Variants in CATSPERE observed in about 807,000 individuals in gnomAD.
CATSPERE encodes the protein cation channel sperm-associated auxiliary subunit epsilon.
A neutral mutation model predicts 114.1 loss-of-function variants in CATSPERE; 93 were observed. The observed-to-expected ratio is 0.81, with a 90% CI of 0.69 to 0.97. The LOEUF (loss-of-function observed/expected upper bound fraction) is 0.97. CATSPERE is among the 50% of genes least tolerant of loss of function. The pLI, the probability that CATSPERE is intolerant of heterozygous loss-of-function variation, is 0.00. For synonymous variants in CATSPERE, 341 were observed against 384.1 expected, an observed-to-expected ratio of 0.89 and a Z score of 1.31; for missense variants, 1,058 against 1,131.6, an observed-to-expected ratio of 0.93 and a Z score of 0.93.
chr1:244,492,970 TC>T (rs1241480490), intron 6 of CATSPERE, among the ~76,000 whole-genome samples: 1 of 151,262 alleles, frequency 6.6e-6, no homozygotes, highest in African/African-American at 2.4e-5. Flanking sequence ...GGAAGAACAT[TC>T]CATGTTCATG....
At chr1:244,451,595 TC>T, upstream of CATSPERE, 2 of 1,568,516 alleles carry the variant, frequency 1.3e-6, no homozygotes, top group Non-Finnish European at 1.7e-6. The surrounding 1 kb of genome is among the most constrained non-coding windows in gnomAD (Gnocchi z 6.6). Flanking sequence ...CAGCCCGAGC[TC>T]CCGGGCCCGG....
intron 5 of CATSPERE, among the ~76,000 whole-genome samples, chr1:244,485,671 T>C (rs2148190311): frequency 6.6e-6 from 1 of 151,880 alleles, no homozygotes; most frequent in South Asian, 2.1e-4. Context: ...ACTAATTATC[T>C]CATTATCCAT....
intron 2 of CATSPERE, among the ~76,000 whole-genome samples, chr1:244,467,625 C>T (rs1667804414): frequency 6.6e-6 from 1 of 152,188 alleles, no homozygotes; most frequent in African/African-American, 2.4e-5. Context: ...ATACATCCAG[C>T]ACCAGAAGAC....
intron 9 of CATSPERE, among the ~76,000 whole-genome samples, chr1:244,556,398 C>T (rs1661580854): frequency 6.6e-6 from 1 of 152,032 alleles, no homozygotes; most frequent in African/African-American, 2.4e-5. Flanking sequence ...ATGTATAACT[C>T]AGTCTAAACA....
intron 4 of CATSPERE, among the ~76,000 whole-genome samples, chr1:244,479,416 C>T (rs984698127): frequency 7.2e-5 from 11 of 152,128 alleles, no homozygotes; most frequent in African/African-American, 2.2e-4. Flanking sequence ...GAAAAGCACT[C>T]AGTTGTAACA....
At chr1:244,518,892 A>G (rs529861828) in intron 8 of CATSPERE, among the ~76,000 whole-genome samples, 194 bp downstream of exon 8, 1 of 152,286 alleles carries the variant, frequency 6.6e-6, no homozygotes, top group East Asian at 1.9e-4. Context: ...GAGTTTTACA[A>G]TTTGTGTCCA....
intron 10 of CATSPERE, among the ~76,000 whole-genome samples, chr1:244,564,334 CTT>C: frequency 6.6e-6 from 1 of 152,220 alleles, no homozygotes; most frequent in African/African-American, 2.4e-5. Flanking sequence ...CTATAAATTA[CTT>C]TGGGCAGTAT....
chr1:244,539,940 AT>A (rs74162769), intron 8 of CATSPERE, among the ~76,000 whole-genome samples: 5 of 151,068 alleles, frequency 3.3e-5, no homozygotes, highest in African/African-American at 4.9e-5. Flanking sequence ...GGATTCATTA[AT>A]TTTTTTGAAT....
chr1:244,530,076 A>G (rs1321974728), intron 8 of CATSPERE, among the ~76,000 whole-genome samples: 1 of 152,092 alleles, frequency 6.6e-6, no homozygotes, highest in Non-Finnish European at 1.5e-5. Flanking sequence ...GCCTCCGAGT[A>G]GCTGGGATTA....
chr1:244,587,168 C>T (rs1229435806), intron 13 of CATSPERE, among the ~76,000 whole-genome samples: 2 of 152,174 alleles, frequency 1.3e-5, no homozygotes, highest in Non-Finnish European at 2.9e-5. Flanking sequence ...ATTCCAGCTA[C>T]CAGATATAAC....
At chr1:244,460,433 A>C (rs1226471341), upstream of CATSPERE, among the ~76,000 whole-genome samples, 1 of 152,100 alleles carries the variant, frequency 6.6e-6, no homozygotes. Context: ...TCAGCACAGG[A>C]AGACAGCTTC....
chr1:244,554,284 T>C (rs1292047939), intron 9 of CATSPERE, among the ~76,000 whole-genome samples: 1 of 152,230 alleles, frequency 6.6e-6, no homozygotes, highest in Non-Finnish European at 1.5e-5. Context: ...TCGTACTAAT[T>C]TACATTCCCA....
At chr1:244,564,111 A>G (rs375823630) in intron 10 of CATSPERE, among the ~76,000 whole-genome samples, 1 of 152,030 alleles carries the variant, frequency 6.6e-6, no homozygotes, top group East Asian at 1.9e-4. Flanking sequence ...ATTGGTCTAT[A>G]TATCTGTTTT....
At chr1:244,585,464 G>A (rs1278874494) in intron 13 of CATSPERE, among the ~76,000 whole-genome samples, 1 of 152,218 alleles carries the variant, frequency 6.6e-6, no homozygotes, top group African/African-American at 2.4e-5. Context: ...AGCCCTTTCA[G>A]GCAACAGGAA....
rs908695237 is a variant in CATSPERE, at chr1:244,607,886, G to A, written c.2403+2092G>A. On this transcript the variant is annotated intron_variant, in intron 18 of 21. Transcript: ENST00000366534. This position sits in a 1 kb window ranked among gnomAD's most constrained non-coding sequence, Gnocchi z 4.4. ...CCCAGCACTTTGGGAGGCTGAGGCA[G>A]GCCGATCACAAGGTCAGGAGTTTGA... Among the ~76,000 whole-genome samples, 2 of 152,114 alleles carry A rather than the reference G, an allele frequency of 1.3e-5. No homozygotes were observed. Among genetic ancestry groups the A allele is most frequent in the Admixed American group, 6.5e-5 (1 of 15,280 alleles).
intron 7 of CATSPERE, among the ~76,000 whole-genome samples, chr1:244,500,913 T>C (rs955894975): frequency 1.3e-5 from 2 of 152,224 alleles, no homozygotes; most frequent in Non-Finnish European, 2.9e-5. Flanking sequence ...GGAATAGCAT[T>C]GAATCTATAA....
intron 6 of CATSPERE, among the ~76,000 whole-genome samples, chr1:244,491,966 A>C (rs1672252814): frequency 1.3e-5 from 2 of 152,176 alleles, no homozygotes; most frequent in Non-Finnish European, 2.9e-5. Context: ...TTTACCAACC[A>C]AAAAAAGTCC....
intron 11 of CATSPERE, among the ~76,000 whole-genome samples, chr1:244,576,394 G>A (rs1475685241): frequency 6.6e-6 from 1 of 151,230 alleles, no homozygotes; most frequent in Admixed American, 6.6e-5. Context: ...GTACTGCAAG[G>A]AAAAATTAGC....
chr1:244,623,058 T>TTTATTTA (rs1672601472), intron 20 of CATSPERE, among the ~76,000 whole-genome samples: 5 of 145,508 alleles, frequency 3.4e-5, no homozygotes, highest in African/African-American at 1.0e-4. Flanking sequence ...TTTGTCTTAT[T>TTTATTTA]TTTATTTATT....
Sources: allele counts gnomAD v4.1 joint callset (sites outside exome capture counted in the v4.1 genomes callset), GRCh38; gene constraint gnomAD v4.1.1; non-coding constraint Gnocchi (gnomAD v3.1); transcripts MANE v1.5; gene names NCBI Gene and HGNC (gene_info 2026-07-23, HGNC 2026-07-21).